The following CDC123 variants were observed in gnomAD, a reference collection of about 807,000 sequenced individuals.
CDC123 encodes the protein cell division cycle 123.
In CDC123, 37 loss-of-function variants were observed where a neutral mutation model predicts 54.4. The ratio of observed to expected loss-of-function variants is 0.68; its 90% CI spans 0.52 to 0.89. The LOEUF (loss-of-function observed/expected upper bound fraction) is 0.89. Among genes scored for constraint, CDC123 ranks in the 40% least tolerant of loss-of-function variants. CDC123 has a pLI of 0.00. For missense variants in CDC123, 361 were observed against 412.1 expected (o/e 0.88, Z 1.07); for synonymous variants, 144 against 136.8 (o/e 1.05, Z -0.37).
intron 11 of CDC123, chr10:12,246,527 C>T: frequency 2.8e-6 from 1 of 357,902 alleles, no homozygotes; most frequent in East Asian, 5.5e-5. Flanking sequence ...TTCTGTCACA[C>T]CCACCTGGAG....
At chr10:12,218,501 C>T (rs80221909) in intron 6 of CDC123, among the ~76,000 whole-genome samples, 5 of 152,252 alleles carry the variant, frequency 3.3e-5, no homozygotes, top group African/African-American at 9.6e-5. Flanking sequence ...GGCCTCCCAA[C>T]GTGTTAGGCT....
intron 10 of CDC123, among the ~76,000 whole-genome samples, chr10:12,243,169 C>A (rs956499148): frequency 6.6e-6 from 1 of 151,746 alleles, no homozygotes; most frequent in South Asian, 2.1e-4. Flanking sequence ...GAGGCCTAGG[C>A]GGGCAGATCA....
In CDC123 at chr10:12,215,850, G is replaced by A. The variant is rs754498602; in HGVS notation, c.333+15G>A. ...GTGCCCCAAGGGTAGGAACACATAA[G>A]TAATTCTCTTACTGTTTGAATATTC... On this transcript the variant is annotated intron_variant, in intron 5 of 12. Coordinates refer to ENST00000281141, the MANE Select transcript of CDC123 (RefSeq NM_006023.3). The A allele has an allele frequency of 4.0e-6, 6 of 1,490,870 alleles. No individual in the cohort carries two copies. The African/African-American group carries it at 5.6e-5, about 14-fold the overall frequency. 92.4% of individuals were successfully genotyped at this position (1,490,870 alleles called of 1,614,324 possible).
intron 12 of CDC123, 47 bp downstream of exon 12, chr10:12,249,765 C>T (rs770701577): frequency 6.5e-7 from 1 of 1,549,674 alleles, no homozygotes; most frequent in Non-Finnish European, 8.7e-7. Context: ...TTCAAATAGA[C>T]CTTCAAATTG....
chr10:12,243,699 AC>A (rs1285169231), intron 10 of CDC123, among the ~76,000 whole-genome samples: 3 of 151,558 alleles, frequency 2.0e-5, no homozygotes, highest in Non-Finnish European at 2.9e-5. Context: ...CAGGAGAATC[AC>A]TTGAACTCGG....
intron 6 of CDC123, among the ~76,000 whole-genome samples, chr10:12,222,355 C>G (rs927136497): frequency 1.3e-4 from 20 of 152,208 alleles, no homozygotes; most frequent in African/African-American, 4.1e-4. Context: ...CGCGGTGGCT[C>G]ACGCCTGTAA....
At chr10:12,224,267 A>C (rs1176121956) in intron 6 of CDC123, among the ~76,000 whole-genome samples, 1 of 147,908 alleles carries the variant, frequency 6.8e-6, no homozygotes, top group African/African-American at 2.5e-5. Context: ...TAGTTTGGGG[A>C]TAGAATATTT....
At chr10:12,211,298 A>C (rs1436336996) in intron 4 of CDC123, among the ~76,000 whole-genome samples, 1 of 152,164 alleles carries the variant, frequency 6.6e-6, no homozygotes, top group Non-Finnish European at 1.5e-5. Context: ...AAAGGCAGAA[A>C]TACAGAAAAC....
chr10:12,200,658 C>T (rs1835427712), intron 2 of CDC123, among the ~76,000 whole-genome samples: 2 of 151,972 alleles, frequency 1.3e-5, no homozygotes. Flanking sequence ...CAGGGCTGGG[C>T]GCGGTGGCTC....
At position 12,228,634 on chromosome 10, in the gene CDC123, G is replaced by A. The variant is rs182049806; in HGVS notation, c.441-2314G>A. The stretch of plus-strand genomic sequence containing the variant: ...TGCCCAGGCTGGAGTGCAACGGCGC[G>A]ATCTTGGCTTACCACAACCTCTGCC... On this transcript the variant is annotated intron_variant, in intron 6 of 12. Coordinates refer to ENST00000281141, the MANE Select transcript of CDC123 (RefSeq NM_006023.3). Among the ~76,000 whole-genome samples the A allele has an allele frequency of 7.8e-3, 1,183 of 152,158 alleles. 4 individuals are homozygous for A. Among genetic ancestry groups the A allele is most frequent in the Non-Finnish European group, 0.013 (897 of 68,010 alleles).
intron 4 of CDC123, among the ~76,000 whole-genome samples, chr10:12,213,030 C>T (rs1239710242): frequency 1.3e-5 from 2 of 152,016 alleles, no homozygotes. Flanking sequence ...CTTTATAGTA[C>T]TAAAGGCACT....
chr10:12,219,042 A>G (rs1021175784), intron 6 of CDC123, among the ~76,000 whole-genome samples: 6 of 152,230 alleles, frequency 3.9e-5, no homozygotes, highest in Admixed American at 2.0e-4. Flanking sequence ...TTGCATAAGC[A>G]TGCCACTTCC....
At position 12,206,126 on chromosome 10, in the gene CDC123, A is replaced by T. The variant is rs1009361519; in HGVS notation, c.147-3841A>T. Among the ~76,000 whole-genome samples, 16 of 152,174 alleles carry T rather than the reference A, an allele frequency of 1.1e-4. 1 individual carries two copies. The highest frequency in any genetic ancestry group is 3.9e-4 in the African/African-American group (16 of 41,434). Reference sequence around the variant, plus strand: ...AACTTGCATATTTTTATACATTGTCACCTTTTACAGTGAATAAAATTTGTC... The same window carrying T: ...AACTTGCATATTTTTATACATTGTCTCCTTTTACAGTGAATAAAATTTGTC... On this transcript the variant is annotated intron_variant, in intron 2 of 12. Transcript: ENST00000281141.
chr10:12,223,485 C>A (rs1024422592), intron 6 of CDC123, among the ~76,000 whole-genome samples: 3 of 152,058 alleles, frequency 2.0e-5, no homozygotes, highest in African/African-American at 7.2e-5. Flanking sequence ...AGGGTCTCAC[C>A]ATGTTGGCCA....
chr10:12,249,502 G>C (rs1564262118), intron 11 of CDC123, 79 bp from the exon 12 acceptor site: 6 of 1,393,248 alleles, frequency 4.3e-6, no homozygotes, highest in Non-Finnish European at 5.9e-6. Context: ...AAATTGTTTT[G>C]CTAGGTTCTT....
intron 2 of CDC123, among the ~76,000 whole-genome samples, chr10:12,208,811 C>T (rs1332343402): frequency 1.3e-5 from 2 of 152,212 alleles, no homozygotes; most frequent in African/African-American, 4.8e-5. Flanking sequence ...ACTCCTCTTC[C>T]CTAATGAGGA....
chr10:12,242,142 A>G (rs766637783), intron 10 of CDC123, among the ~76,000 whole-genome samples: 3 of 152,166 alleles, frequency 2.0e-5, no homozygotes, highest in Non-Finnish European at 4.4e-5. Flanking sequence ...AAAATAACCT[A>G]TTCCCGCAAC....
At position 12,198,835 on chromosome 10, in the gene CDC123, A is replaced by G. The variant is rs184241184; in HGVS notation, c.146+59A>G. On this transcript the variant is annotated intron_variant, in intron 2 of 12. Transcript: ENST00000281141. ...TATCATAAAGAAACACATAAAATGA[A>G]TGAATTAGCTTAGGCACCATTCTTT... 2.7e-4 allele frequency: 241 copies of G among 896,886 alleles called. 1 individual carries two copies. The African/African-American group carries it at 3.8e-3, about 14-fold the overall frequency. The allele number at this position is 896,886 out of a possible 1,614,324, so 55.6% of individuals were successfully genotyped here.
chr10:12,217,824 C>T (rs559385796), intron 6 of CDC123, among the ~76,000 whole-genome samples: 11 of 152,188 alleles, frequency 7.2e-5, no homozygotes, highest in Non-Finnish European at 1.0e-4. Flanking sequence ...CGGTGGCTCA[C>T]GCCTGGGATT....
Sources: allele counts gnomAD v4.1 joint callset (sites outside exome capture counted in the v4.1 genomes callset), GRCh38; gene constraint gnomAD v4.1.1; transcripts MANE v1.5; gene names NCBI Gene and HGNC (gene_info 2026-07-23, HGNC 2026-07-21).